Variants in PRKN observed in about 807,000 individuals in gnomAD.
PRKN encodes the protein parkin RBR E3 ubiquitin protein ligase.
Under a neutral mutation model 59.5 loss-of-function variants are expected in PRKN, and 56 were observed. The observed-to-expected ratio is 0.94, with a 90% CI of 0.76 to 1.18. PRKN has a LOEUF of 1.18. PRKN is among the 50% of genes most tolerant of loss of function. The pLI is 0.00. For missense variants in PRKN, 657 were observed against 596.4 expected (o/e 1.10, Z -1.06); for synonymous variants, 250 against 222.1 (o/e 1.13, Z -1.12).
chr6:161,415,811 G>T (rs1374827296), intron 9 of PRKN, among the ~76,000 whole-genome samples: 1 of 151,690 alleles, frequency 6.6e-6, no homozygotes, highest in African/African-American at 2.4e-5. Context: ...AGAGCCAGGG[G>T]TCCTCACCAG....
Position 162,574,129 on chromosome 6 carries a change from T to C in PRKN, c.8-130656A>G, listed in dbSNP as rs868109191. Among the ~76,000 whole-genome samples the C allele has an allele frequency of 7.0e-4, 107 of 152,292 alleles. No individual in the cohort carries two copies. The Middle Eastern group carries it at 0.01, about 15-fold the overall frequency. ...TCTCAACAGTGGCGGGGCTGCTGAT[T>C]AGCCCTCTGAGGCCATCTCTGGAAC... On this transcript the variant is annotated intron_variant, in intron 1 of 11. Coordinates refer to ENST00000366898, the MANE Select transcript of PRKN (RefSeq NM_004562.3).
intron 4 of PRKN, among the ~76,000 whole-genome samples, chr6:162,177,672 G>A (rs762839608): frequency 7.2e-5 from 11 of 152,128 alleles, no homozygotes; most frequent in South Asian, 2.1e-4. Flanking sequence ...AGCAAAGCAC[G>A]TTCTCTTTGT....
intron 5 of PRKN, among the ~76,000 whole-genome samples, chr6:162,000,314 T>C (rs1782003621): frequency 6.6e-6 from 1 of 152,132 alleles, no homozygotes; most frequent in Admixed American, 6.6e-5. Flanking sequence ...TTTGGTGGTG[T>C]CAGTGTCCTG....
At chr6:161,733,507 A>T (rs1787807068) in intron 7 of PRKN, among the ~76,000 whole-genome samples, 2 of 152,052 alleles carry the variant, frequency 1.3e-5, no homozygotes, top group African/African-American at 2.4e-5. Context: ...AAACTTTGGG[A>T]GTGATTACCA....
intron 6 of PRKN, among the ~76,000 whole-genome samples, chr6:161,902,550 T>TTTTC (rs1777961852): frequency 9.9e-6 from 1 of 101,358 alleles, no homozygotes; most frequent in Non-Finnish European, 2.1e-5. Flanking sequence ...ATCTATCTAT[T>TTTTC]TATTTATTTA....
At chr6:161,421,233 G>C (rs529851563) in intron 9 of PRKN, among the ~76,000 whole-genome samples, 2 of 152,130 alleles carry the variant, frequency 1.3e-5, no homozygotes, top group Admixed American at 6.5e-5. Context: ...GCTTGAGTGG[G>C]GGTACTTAAG....
rs1311914865 is a variant in PRKN, at chr6:161,390,934, G to T, written c.1084-4057C>A. ...AAACCTTTCATAACCACAACTGTTA[G>T]GCATTTCTTTTGGCCTAGAAATACC... On this transcript the variant is annotated intron_variant, in intron 9 of 11. Coordinates refer to ENST00000366898, the MANE Select transcript of PRKN (RefSeq NM_004562.3). This position sits in a 1 kb window ranked among gnomAD's most constrained non-coding sequence, Gnocchi z 7.0. Among the ~76,000 whole-genome samples the T allele has an allele frequency of 6.6e-6, 1 of 152,032 alleles. No individual in the cohort carries two copies. Among genetic ancestry groups the T allele is most frequent in the African/African-American group, 2.4e-5 (1 of 41,350 alleles).
chr6:161,546,339 AC>A lies in PRKN; in HGVS notation c.1083+2514del, dbSNP rs1235027952. Among the ~76,000 whole-genome samples, 1 of 152,130 alleles carries A rather than the reference AC, an allele frequency of 6.6e-6. No homozygotes were observed. The highest frequency in any genetic ancestry group is 1.5e-5 in the Non-Finnish European group (1 of 68,016). ...AGTAGTTTGTGAAGCCAGGGTTTGA[AC>A]TTCACACATTCAACGCCACCCTTTT... On this transcript the variant is annotated intron_variant, in intron 9 of 11. Coordinates refer to ENST00000366898, the MANE Select transcript of PRKN (RefSeq NM_004562.3). The surrounding 1 kb of genome is among the most constrained non-coding windows in gnomAD (Gnocchi z 4.4).
At chr6:161,631,918 T>A (rs569144027) in intron 7 of PRKN, among the ~76,000 whole-genome samples, 1 of 152,200 alleles carries the variant, frequency 6.6e-6, no homozygotes, top group Non-Finnish European at 1.5e-5. Context: ...TTTAGGACTG[T>A]AGAAAGTATC....
intron 1 of PRKN, among the ~76,000 whole-genome samples, chr6:162,463,766 A>G (rs1199842112): frequency 6.6e-6 from 1 of 152,172 alleles, no homozygotes; most frequent in Non-Finnish European, 1.5e-5. Flanking sequence ...GTGACTGTAT[A>G]TGATTTCTCA....
chr6:161,625,025 T>A (rs187158292), intron 7 of PRKN, among the ~76,000 whole-genome samples: 1 of 152,280 alleles, frequency 6.6e-6, no homozygotes, highest in Admixed American at 6.5e-5. Context: ...ATTCAACACT[T>A]CTTATTTAGA....
chr6:161,506,809 C>T (rs1159177661), intron 9 of PRKN, among the ~76,000 whole-genome samples: 1 of 152,200 alleles, frequency 6.6e-6, no homozygotes, highest in East Asian at 1.9e-4. Context: ...TCCCAAAAAG[C>T]TTGCTCAGTT....
At chr6:162,310,567 GT>G (rs1782454722) in intron 2 of PRKN, among the ~76,000 whole-genome samples, 1 of 151,158 alleles carries the variant, frequency 6.6e-6, no homozygotes, top group African/African-American at 2.4e-5. Flanking sequence ...AATTTCTGTT[GT>G]TTAAGTTCCC....
intron 2 of PRKN, among the ~76,000 whole-genome samples, chr6:162,421,019 C>T (rs574666496): frequency 1.3e-5 from 2 of 152,218 alleles, no homozygotes; most frequent in African/African-American, 4.8e-5. Context: ...TAGCATTGAA[C>T]TCACACATCC....
At chr6:161,890,847 C>G (rs147865025) in intron 6 of PRKN, among the ~76,000 whole-genome samples, 1 of 152,110 alleles carries the variant, frequency 6.6e-6, no homozygotes, top group Non-Finnish European at 1.5e-5. Flanking sequence ...TTCCATTTCC[C>G]GCGCTCTGCC....
At chr6:162,227,786 T>C (rs1778245132) in intron 3 of PRKN, among the ~76,000 whole-genome samples, 1 of 152,098 alleles carries the variant, frequency 6.6e-6, no homozygotes, top group South Asian at 2.1e-4. Flanking sequence ...AGCTGGCAAA[T>C]GCATTCTCAC....
intron 6 of PRKN, among the ~76,000 whole-genome samples, chr6:161,872,743 CG>C (rs1794394057): frequency 1.3e-5 from 2 of 152,058 alleles, no homozygotes; most frequent in Non-Finnish European, 1.5e-5. Context: ...AGGACTGTAA[CG>C]GAGTAAGAGC....
At chr6:162,363,933 T>G (rs980437486) in intron 2 of PRKN, among the ~76,000 whole-genome samples, 1 of 152,162 alleles carries the variant, frequency 6.6e-6, no homozygotes, top group South Asian at 2.1e-4. Flanking sequence ...GCTATAACAG[T>G]AGTCCCAGCT....
chr6:161,755,245 C>G (rs534161295), intron 7 of PRKN, among the ~76,000 whole-genome samples: 1 of 152,132 alleles, frequency 6.6e-6, no homozygotes, highest in South Asian at 2.1e-4. Flanking sequence ...TTTTATCATC[C>G]ATACTCTCTG....
Sources: gnomAD v4.1 joint callset for allele counts (sites outside exome capture counted in the v4.1 genomes callset) on GRCh38, gnomAD v4.1.1 for gene constraint, Gnocchi (gnomAD v3.1) non-coding constraint, MANE v1.5 for transcripts, NCBI Gene and HGNC (gene_info 2026-07-23, HGNC 2026-07-21) for gene names.